SLC30A8: variants seen among roughly 807,000 people sequenced by gnomAD.
SLC30A8 encodes the protein proton-coupled zinc antiporter SLC30A8.
Under a neutral mutation model 36.9 loss-of-function variants are expected in SLC30A8, and 27 were observed. The observed-to-expected ratio is 0.73, with a 90% CI of 0.54 to 1.01. The LOEUF is 1.01. Ranked by LOEUF, SLC30A8 falls within the 50% of genes least tolerant of loss-of-function variation. SLC30A8 has a pLI of 0.00. For missense variants in SLC30A8, 439 were observed against 452.0 expected (o/e 0.97, Z 0.26); for synonymous variants, 164 against 172.4 (o/e 0.95, Z 0.38).
chr8:116,960,555 C>T (rs891041253), intron 1 of SLC30A8, among the ~76,000 whole-genome samples: 12 of 152,156 alleles, frequency 7.9e-5, no homozygotes, highest in African/African-American at 2.9e-4. Context: ...ATCTCATCAC[C>T]CCAGTCCATA....
chr8:117,022,117 T>G (rs147972182), intron 1 of SLC30A8, among the ~76,000 whole-genome samples: 3,552 of 151,988 alleles, frequency 0.023, 137 homozygotes, highest in African/African-American at 0.08. Context: ...GGAGAATCGC[T>G]TGAACCCAGG....
chr8:117,137,145 C>G (rs1022656004), intron 1 of SLC30A8, among the ~76,000 whole-genome samples: 1 of 151,844 alleles, frequency 6.6e-6, no homozygotes, highest in African/African-American at 2.4e-5. Context: ...CATACATGCA[C>G]CATGTGGGCT....
At chr8:117,106,845 C>G (rs1820016382) in intron 2 of SLC30A8, among the ~76,000 whole-genome samples, 1 of 152,164 alleles carries the variant, frequency 6.6e-6, no homozygotes, top group Non-Finnish European at 1.5e-5. Flanking sequence ...AGCTAGTTGG[C>G]TTATGACACA....
chr8:117,020,733 T>C (rs952905644), intron 1 of SLC30A8, among the ~76,000 whole-genome samples: 2 of 152,174 alleles, frequency 1.3e-5, no homozygotes, highest in African/African-American at 2.4e-5. Context: ...TGGAGAGATA[T>C]TGGTATTGTA....
At chr8:117,082,199 G>A (rs1818695775) in intron 2 of SLC30A8, among the ~76,000 whole-genome samples, 1 of 152,086 alleles carries the variant, frequency 6.6e-6, no homozygotes, top group South Asian at 2.1e-4. Flanking sequence ...AGTGTCCAAG[G>A]ACTAATACCA....
intron 2 of SLC30A8, among the ~76,000 whole-genome samples, chr8:117,127,591 T>A (rs1457674075): frequency 6.6e-6 from 1 of 152,044 alleles, no homozygotes; most frequent in Non-Finnish European, 1.5e-5. Context: ...AAATGTTTCA[T>A]TTTAAGTTGT....
rs565213941 is a variant in SLC30A8 at position 117,123,671 on chromosome 8, C to T, written c.-225-11609C>T. ...TATAATTCACCTACAATAAAGTTCA[C>T]GTAAGTGTATAATTCAATGATTTTT... is the stretch of plus-strand genomic sequence containing the variant. On this transcript the variant is annotated intron_variant, in intron 2 of 10. Coordinates refer to the SLC30A8 transcript ENST00000427715. Among the ~76,000 whole-genome samples the T allele has an allele frequency of 3.9e-5, 6 of 152,030 alleles. No homozygotes were observed. The East Asian group carries it at 9.8e-4, about 25-fold the overall frequency.
At chr8:117,032,829 G>T (rs766535925) in intron 1 of SLC30A8, among the ~76,000 whole-genome samples, 46 of 151,974 alleles carry the variant, frequency 3.0e-4, no homozygotes, top group Non-Finnish European at 4.6e-4. Flanking sequence ...GGCGGAGGTT[G>T]CAATGAGCTG....
intron 2 of SLC30A8, among the ~76,000 whole-genome samples, chr8:117,110,658 G>A (rs1200975410): frequency 6.6e-6 from 1 of 152,164 alleles, no homozygotes; most frequent in Non-Finnish European, 1.5e-5. Context: ...GGCTGAGAAG[G>A]GTCCGTCCTC....
intron 2 of SLC30A8, among the ~76,000 whole-genome samples, chr8:117,072,145 G>A (rs1373125131): frequency 6.6e-6 from 1 of 152,192 alleles, no homozygotes; most frequent in African/African-American, 2.4e-5. Flanking sequence ...GGGTTACCAT[G>A]ATTACAGTTC....
At chr8:117,008,830 A>C (rs1345056877) in intron 1 of SLC30A8, among the ~76,000 whole-genome samples, 12 of 152,040 alleles carry the variant, frequency 7.9e-5, no homozygotes, top group Admixed American at 7.9e-4. Context: ...TTTGTTTTGT[A>C]TCTTAGTTTC....
intron 1 of SLC30A8, among the ~76,000 whole-genome samples, chr8:117,016,326 G>T (rs1434545255): frequency 6.6e-6 from 1 of 152,048 alleles, no homozygotes. Flanking sequence ...GAGTTTTTGA[G>T]TTAGGTGGTT....
chr8:117,075,290 C>T (rs183223562), intron 2 of SLC30A8, among the ~76,000 whole-genome samples: 1 of 152,274 alleles, frequency 6.6e-6, no homozygotes, highest in Admixed American at 6.5e-5. Context: ...AAATCCTTCT[C>T]CCTCTTTTAG....
intron 2 of SLC30A8, among the ~76,000 whole-genome samples, chr8:117,085,732 TG>T (rs1818852906): frequency 6.6e-6 from 1 of 152,190 alleles, no homozygotes; most frequent in South Asian, 2.1e-4. Context: ...TATCTTATAA[TG>T]GGGGAAATTA....
chr8:117,041,418 T>A lies in SLC30A8; in HGVS notation c.-226+2160T>A, dbSNP rs563845093. On this transcript the variant is annotated intron_variant, in intron 2 of 10. Coordinates refer to the SLC30A8 transcript ENST00000427715. ...ATTTCTGATGGCGGGCTGGGCACGGTGGCTCACGCCTGTAATCCCAGCACT... is the reference window on the plus strand; with the variant it reads ...ATTTCTGATGGCGGGCTGGGCACGGAGGCTCACGCCTGTAATCCCAGCACT... Among the ~76,000 whole-genome samples, 25 of 152,360 alleles carry A rather than the reference T, an allele frequency of 1.6e-4. No homozygotes were observed. The South Asian group carries it at 2.3e-3, about 14-fold the overall frequency.
At chr8:117,077,633 A>G (rs1247144316) in intron 2 of SLC30A8, among the ~76,000 whole-genome samples, 3 of 152,194 alleles carry the variant, frequency 2.0e-5, no homozygotes, top group African/African-American at 7.2e-5. Flanking sequence ...GGCATTTTAT[A>G]TTATCTCTCA....
intron 2 of SLC30A8, among the ~76,000 whole-genome samples, chr8:117,099,544 G>A (rs1184558371): frequency 2.0e-5 from 3 of 152,042 alleles, no homozygotes; most frequent in South Asian, 4.2e-4. Flanking sequence ...GTCTAGGAAG[G>A]GTCAACCAAA....
chr8:116,958,098 C>T (rs767667560), intron 1 of SLC30A8, among the ~76,000 whole-genome samples: 1 of 152,200 alleles, frequency 6.6e-6, no homozygotes, highest in African/African-American at 2.4e-5. Context: ...TTATTTTCTT[C>T]AACTGATGTT....
Position 116,956,641 on chromosome 8 carries a change from A to G in SLC30A8, c.-266+5522A>G, listed in dbSNP as rs541340225. Among the ~76,000 whole-genome samples the G allele has an allele frequency of 1.1e-4, 17 of 152,342 alleles. No homozygotes were observed. The South Asian group carries it at 2.7e-3, about 24-fold the overall frequency. Reference sequence around the variant, plus strand: ...CTAAGGGGATGCCATAAAAAAATCAATTGGATAGTCTCTCTCTTATTTAAT... The same window carrying G: ...CTAAGGGGATGCCATAAAAAAATCAGTTGGATAGTCTCTCTCTTATTTAAT... On this transcript the variant is annotated intron_variant, in intron 1 of 10. Coordinates refer to the SLC30A8 transcript ENST00000427715.
Sources: gnomAD v4.1 joint callset for allele counts (sites outside exome capture counted in the v4.1 genomes callset) on GRCh38, gnomAD v4.1.1 for gene constraint, MANE v1.5 for transcripts, NCBI Gene and HGNC (gene_info 2026-07-23, HGNC 2026-07-21) for gene names.